TMPRSS11D: variants seen among roughly 807,000 people sequenced by gnomAD.
The protein encoded by TMPRSS11D is transmembrane protease serine 11D.
TMPRSS11D carries 32 observed loss-of-function variants against 44.4 expected under a neutral mutation model. The ratio of observed to expected loss-of-function variants is 0.72; its 90% CI spans 0.54 to 0.97. TMPRSS11D has a LOEUF of 0.97. Among genes scored for constraint, TMPRSS11D ranks in the 50% least tolerant of loss-of-function variants. The pLI is 0.00. For missense variants in TMPRSS11D, 446 were observed against 502.6 expected, an observed-to-expected ratio of 0.89 and a Z score of 1.08; for synonymous variants, 179 against 177.9, an observed-to-expected ratio of 1.01 and a Z score of -0.05.
intron 5 of TMPRSS11D, among the ~76,000 whole-genome samples, chr4:67,835,471 G>A (rs1046359996): frequency 1.3e-5 from 2 of 152,118 alleles, no homozygotes; most frequent in South Asian, 4.1e-4. Context: ...GATGCAATGT[G>A]ATAAATACTA....
chr4:67,867,485 T>C (rs1718954692), intron 1 of TMPRSS11D, among the ~76,000 whole-genome samples: 1 of 152,076 alleles, frequency 6.6e-6, no homozygotes, highest in African/African-American at 2.4e-5. Context: ...AAATGATACT[T>C]ACTTAAACTA....
intron 1 of TMPRSS11D, among the ~76,000 whole-genome samples, chr4:67,871,007 A>C (rs1719049805): frequency 6.6e-6 from 1 of 152,126 alleles, no homozygotes; most frequent in African/African-American, 2.4e-5. Flanking sequence ...CCAACTCATT[A>C]ATAATGCCTT....
At chr4:67,839,903 C>T (rs1187126518) in intron 4 of TMPRSS11D, among the ~76,000 whole-genome samples, 5 of 151,226 alleles carry the variant, frequency 3.3e-5, no homozygotes, top group Non-Finnish European at 5.9e-5. Context: ...CATATGTATA[C>T]ATGTGCCATG....
intron 1 of TMPRSS11D, among the ~76,000 whole-genome samples, chr4:67,883,212 T>C (rs554261806): frequency 1.3e-5 from 2 of 152,134 alleles, no homozygotes; most frequent in Admixed American, 6.6e-5. Context: ...CCTGTAGTCA[T>C]AGAAAAATAA....
Position 67,842,494 on chromosome 4 carries a change from G to A in TMPRSS11D, c.317+64C>T, listed in dbSNP as rs1259748104. On this transcript the variant is annotated intron_variant, in intron 4 of 9. Transcript: ENST00000283916. ...ACATGTCATTTACTATTCATTCTGTGACAAAAAGTCAAGTATGCCACATTG... is the reference window on the plus strand; with the variant it reads ...ACATGTCATTTACTATTCATTCTGTAACAAAAAGTCAAGTATGCCACATTG... 3.7e-6 allele frequency: 5 copies of A among 1,341,858 alleles called. No individual in the cohort carries two copies. The East Asian group carries it at 6.9e-5, about 19-fold the overall frequency. 83.1% of individuals were successfully genotyped at this position (1,341,858 alleles called of 1,614,324 possible). A position where few individuals can be genotyped will look rare whatever the true frequency, so the allele number is the denominator to read the frequency against.
In TMPRSS11D at chr4:67,883,726, C is replaced by G. The variant is rs149192098; in HGVS notation, c.8+200G>C. Reference sequence around the variant, plus strand: ...TTTTGTGGTTGTTTTATAAAAAATTCAGTTAAGCAACTATGTACCTTATGA... The same window carrying G: ...TTTTGTGGTTGTTTTATAAAAAATTGAGTTAAGCAACTATGTACCTTATGA... On this transcript the variant is annotated intron_variant, in intron 1 of 9. Coordinates refer to ENST00000283916, the MANE Select transcript of TMPRSS11D (RefSeq NM_004262.3). Among the ~76,000 whole-genome samples the G allele has an allele frequency of 9.9e-3, 1,512 of 152,086 alleles. 26 individuals are homozygous for G. The highest frequency in any genetic ancestry group is 0.034 in the African/African-American group (1,424 of 41,532).
intron 1 of TMPRSS11D, 65 bp from the exon 2 acceptor site, chr4:67,859,743 T>C: frequency 6.3e-7 from 1 of 1,588,320 alleles, no homozygotes; most frequent in Non-Finnish European, 8.6e-7. Context: ...ATTTTAGTGT[T>C]CATGATTGTC....
chr4:67,855,099 A>T (rs1218234196), intron 2 of TMPRSS11D, among the ~76,000 whole-genome samples: 1 of 152,044 alleles, frequency 6.6e-6, no homozygotes. Flanking sequence ...TACTAAATAT[A>T]CAAAAATTAG....
At chr4:67,850,990 C>T (rs546653026) in intron 3 of TMPRSS11D, among the ~76,000 whole-genome samples, 3 of 152,168 alleles carry the variant, frequency 2.0e-5, no homozygotes, top group African/African-American at 7.2e-5. Flanking sequence ...CTTCGAGTGA[C>T]TTGCCTGGAA....
chr4:67,862,310 A>G (rs543349518), intron 1 of TMPRSS11D, among the ~76,000 whole-genome samples: 131 of 152,208 alleles, frequency 8.6e-4, no homozygotes, highest in Admixed American at 3.7e-3. Flanking sequence ...AGAGTGAATA[A>G]CTTATGTTTA....
At chr4:67,860,411 T>G (rs1237507973) in intron 1 of TMPRSS11D, 1 of 152,118 alleles carries the variant, frequency 6.6e-6, no homozygotes, top group Non-Finnish European at 1.5e-5. Flanking sequence ...GAGGTCATAT[T>G]GTCATTTATC....
intron 6 of TMPRSS11D, 82 bp from the exon 7 acceptor site, chr4:67,833,463 T>C (rs191606172): frequency 1.0e-5 from 13 of 1,255,396 alleles, no homozygotes; most frequent in Non-Finnish European, 1.4e-5. Flanking sequence ...TTCCATAATT[T>C]ATGACTTTTA....
chr4:67,866,963 A>G (rs1718939307), intron 1 of TMPRSS11D, among the ~76,000 whole-genome samples: 1 of 151,976 alleles, frequency 6.6e-6, no homozygotes, highest in Non-Finnish European at 1.5e-5. Flanking sequence ...GTCATTTTTC[A>G]CAGAATTAGA....
At chr4:67,824,920 C>A (rs1310126900) in intron 9 of TMPRSS11D, among the ~76,000 whole-genome samples, 3 of 151,980 alleles carry the variant, frequency 2.0e-5, no homozygotes, top group African/African-American at 7.2e-5. Flanking sequence ...TGAACAAAAC[C>A]TATTAAAACA....
chr4:67,844,228 G>A (rs1718302741), intron 3 of TMPRSS11D, among the ~76,000 whole-genome samples: 1 of 152,156 alleles, frequency 6.6e-6, no homozygotes, highest in Admixed American at 6.5e-5. Context: ...AGGATTTGGA[G>A]CAGATTCTTC....
At chr4:67,882,692 A>G (rs1467994572) in intron 1 of TMPRSS11D, among the ~76,000 whole-genome samples, 1 of 152,180 alleles carries the variant, frequency 6.6e-6, no homozygotes, top group Non-Finnish European at 1.5e-5. Context: ...GCACTATATT[A>G]CCCAAATAAT....
In TMPRSS11D at chr4:67,833,861, G is replaced by A. The variant is rs76289059; in HGVS notation, c.515-480C>T. 2.6e-3 allele frequency among the ~76,000 whole-genome samples: 400 copies of A among 152,256 alleles called. 3 individuals are homozygous for A. The highest frequency in any genetic ancestry group is 0.01 in the Middle Eastern group (3 of 294). ...AGCTACATTTTGATGTGAGGTTCAT[G>A]CACACATTGAAGTTGGAGGAAAACT... On this transcript the variant is annotated intron_variant, in intron 6 of 9. Transcript: ENST00000283916.
intron 6 of TMPRSS11D, among the ~76,000 whole-genome samples, chr4:67,833,895 C>A (rs1286954638): frequency 1.3e-5 from 2 of 152,078 alleles, no homozygotes; most frequent in East Asian, 1.9e-4. Context: ...CTGGTCTCAT[C>A]CAAAAGACTC....
chr4:67,878,575 A>C (rs963016740), intron 1 of TMPRSS11D, among the ~76,000 whole-genome samples: 3 of 152,204 alleles, frequency 2.0e-5, no homozygotes, highest in African/African-American at 7.2e-5. Flanking sequence ...CTAGCACCTA[A>C]CAGCTCTTCA....
Sources: allele counts gnomAD v4.1 joint callset (sites outside exome capture counted in the v4.1 genomes callset), GRCh38; gene constraint gnomAD v4.1.1; transcripts MANE v1.5; gene names NCBI Gene and HGNC (gene_info 2026-07-23, HGNC 2026-07-21).